TRMT9B: variants seen among roughly 807,000 people sequenced by gnomAD.
TRMT9B encodes the protein probable tRNA methyltransferase 9B.
In TRMT9B, 16 loss-of-function variants were observed where a neutral mutation model predicts 11.5. That is an observed-to-expected ratio of 1.39 (90% CI 0.94 to 2.11). The LOEUF is 2.11. Ranked by LOEUF, TRMT9B falls within the 30% of genes most tolerant of loss-of-function variation. TRMT9B has a pLI of 0.00. For synonymous variants in TRMT9B, 274 were observed against 192.4 expected, an observed-to-expected ratio of 1.42 and a Z score of -3.51; for missense variants, 941 against 553.8, an observed-to-expected ratio of 1.70 and a Z score of -7.02.
At chr8:12,963,553 C>G (rs902614368) in intron 1 of TRMT9B, among the ~76,000 whole-genome samples, 3 of 152,146 alleles carry the variant, frequency 2.0e-5, no homozygotes, top group Non-Finnish European at 2.9e-5. Flanking sequence ...AATTCAAGGC[C>G]AGCCTGGGCA....
rs376535726 is a variant in TRMT9B, at chr8:12,999,752, G to A, written c.-1-6450G>A. Among the ~76,000 whole-genome samples, 94 of 152,264 alleles carry A rather than the reference G, an allele frequency of 6.2e-4. 1 individual carries two copies. Among genetic ancestry groups the A allele is most frequent in the African/African-American group, 2.1e-3 (86 of 41,550 alleles). On this transcript the variant is annotated intron_variant, in intron 2 of 4. Transcript: ENST00000524591. The stretch of plus-strand genomic sequence containing the variant: ...CTTTACAGCACATGACATATTTCAA[G>A]TGCTGTGGAATTAGGGAGTGTAGAG...
intron 1 of TRMT9B, among the ~76,000 whole-genome samples, chr8:12,988,330 G>C (rs1806692622): frequency 6.6e-6 from 1 of 152,116 alleles, no homozygotes; most frequent in African/African-American, 2.4e-5. Context: ...TTGTGATTTT[G>C]AACACTGTTT....
Position 13,021,999 on chromosome 8 carries a change from T to C in TRMT9B, c.1320T>C (p.His440=). 2 of 1,611,372 alleles carry C rather than the reference T, an allele frequency of 1.2e-6. No individual in the cohort carries two copies. The highest frequency in any genetic ancestry group is 2.2e-5 in the East Asian group (1 of 44,860). ...ELRILSSGND[H]GNWCIIAEKK... ...GTATCCTGAGTTCTGGGAATGATCA[T>C]GGTAACTGGTGTATCATTGCAGAGA... The change falls in exon 5 of 5, where the codon CAT becomes CAC. Residue 440 remains histidine, a synonymous_variant. Coordinates refer to ENST00000524591, the MANE Select transcript of TRMT9B (RefSeq NM_020844.3).
chr8:12,987,288 G>T (rs1439978329), intron 1 of TRMT9B, among the ~76,000 whole-genome samples: 3 of 152,194 alleles, frequency 2.0e-5, no homozygotes, highest in African/African-American at 7.2e-5. Context: ...TGTGTTAAAT[G>T]CTTACAACAC....
At chr8:12,968,590 G>C (rs1803144466) in intron 1 of TRMT9B, among the ~76,000 whole-genome samples, 1 of 152,154 alleles carries the variant, frequency 6.6e-6, no homozygotes, top group Non-Finnish European at 1.5e-5. Flanking sequence ...ACATTTGGAG[G>C]CATGAGCTGT....
chr8:12,987,105 G>A (rs569483140), intron 1 of TRMT9B, among the ~76,000 whole-genome samples: 10 of 152,086 alleles, frequency 6.6e-5, no homozygotes, highest in South Asian at 4.2e-4. Flanking sequence ...CTTTCTCCTC[G>A]CCATCTGTAT....
intron 1 of TRMT9B, among the ~76,000 whole-genome samples, chr8:12,980,765 G>T (rs1805239241): frequency 6.6e-6 from 1 of 152,104 alleles, no homozygotes; most frequent in Non-Finnish European, 1.5e-5. Context: ...GTGGTGTAGA[G>T]GAGAAAGGAA....
intron 3 of TRMT9B, chr8:13,011,244 C>G: frequency 1.1e-6 from 1 of 941,596 alleles, no homozygotes; most frequent in Non-Finnish European, 1.3e-6. Flanking sequence ...CCACAGCCTC[C>G]CAAAGTGCTA....
chr8:12,977,812 C>G (rs188125515), intron 1 of TRMT9B, among the ~76,000 whole-genome samples: 1 of 151,220 alleles, frequency 6.6e-6, no homozygotes, highest in African/African-American at 2.4e-5. Context: ...GCCAGGAGTT[C>G]GAGACCAGCC....
chr8:12,978,313 C>G (rs1226972179), intron 1 of TRMT9B, among the ~76,000 whole-genome samples: 2 of 152,182 alleles, frequency 1.3e-5, no homozygotes, highest in African/African-American at 4.8e-5. Flanking sequence ...TCTATAAAAT[C>G]TCCAGCAAGC....
chr8:12,966,017 AG>A (rs1802761241), intron 1 of TRMT9B, among the ~76,000 whole-genome samples: 1 of 151,312 alleles, frequency 6.6e-6, no homozygotes, highest in Non-Finnish European at 1.5e-5. Flanking sequence ...TGTCTCAAAA[AG>A]AAAAAAAAAA....
intron 1 of TRMT9B, among the ~76,000 whole-genome samples, chr8:12,977,428 C>A (rs1052139144): frequency 2.6e-5 from 4 of 152,094 alleles, no homozygotes; most frequent in African/African-American, 9.7e-5. Context: ...CTTGGCCGGG[C>A]GTGGGTGCTC....
At chr8:12,980,922 G>A (rs1398435687) in intron 1 of TRMT9B, among the ~76,000 whole-genome samples, 3 of 152,170 alleles carry the variant, frequency 2.0e-5, no homozygotes, top group South Asian at 2.1e-4. Context: ...GTCACTATGC[G>A]AATTCTTTTT....
intron 2 of TRMT9B, among the ~76,000 whole-genome samples, chr8:13,001,909 C>T (rs1260161142): frequency 6.6e-6 from 1 of 152,138 alleles, no homozygotes; most frequent in Non-Finnish European, 1.5e-5. Flanking sequence ...AACCCGTGCT[C>T]TTGTTTTAGT....
intron 1 of TRMT9B, chr8:12,958,704 C>T (rs1801632909): frequency 6.6e-6 from 1 of 152,186 alleles, no homozygotes; most frequent in South Asian, 2.1e-4. Context: ...AAAGAACCAG[C>T]ATGAGATTGA....
intron 1 of TRMT9B, among the ~76,000 whole-genome samples, chr8:12,963,323 C>T (rs1002420108): frequency 6.6e-6 from 1 of 152,094 alleles, no homozygotes; most frequent in Non-Finnish European, 1.5e-5. Context: ...ATCCCCGCTA[C>T]TCAGGAGGCT....
At chr8:12,990,012 G>T (rs1052135510) in intron 1 of TRMT9B, among the ~76,000 whole-genome samples, 3 of 152,174 alleles carry the variant, frequency 2.0e-5, no homozygotes, top group East Asian at 3.9e-4. Flanking sequence ...GGGTTGGGCT[G>T]GTGTAGGGGA....
At chr8:12,980,471 C>T (rs1805178165) in intron 1 of TRMT9B, among the ~76,000 whole-genome samples, 1 of 152,122 alleles carries the variant, frequency 6.6e-6, no homozygotes, top group African/African-American at 2.4e-5. Context: ...GGTGTGACTA[C>T]ACCATCTCAC....
intron 2 of TRMT9B, among the ~76,000 whole-genome samples, chr8:12,997,656 G>A (rs1808610261): frequency 1.3e-5 from 2 of 152,176 alleles, no homozygotes; most frequent in Admixed American, 1.3e-4. Context: ...GGTCACATGT[G>A]CAGTTTCCAG....
Sources: allele counts gnomAD v4.1 joint callset (sites outside exome capture counted in the v4.1 genomes callset), GRCh38; gene constraint gnomAD v4.1.1; transcripts MANE v1.5; gene names NCBI Gene and HGNC (gene_info 2026-07-23, HGNC 2026-07-21).